The following TPPP variants were observed in gnomAD, a reference collection of about 807,000 sequenced individuals.
The protein encoded by TPPP is tubulin polymerization-promoting protein.
TPPP carries 6 observed loss-of-function variants against 15.5 expected under a neutral mutation model. The ratio of observed to expected loss-of-function variants is 0.39; its 90% CI spans 0.21 to 0.77. The LOEUF (loss-of-function observed/expected upper bound fraction) is 0.77. Among genes scored for constraint, TPPP ranks in the 30% least tolerant of loss-of-function variants. The pLI is 0.42. For synonymous variants in TPPP, 146 were observed against 133.9 expected (o/e 1.09, Z -0.63); for missense variants, 269 against 307.2 (o/e 0.88, Z 0.93).
At chr5:669,450 T>C (rs564192996) in intron 2 of TPPP, among the ~76,000 whole-genome samples, 5 of 152,088 alleles carry the variant, frequency 3.3e-5, no homozygotes, top group Non-Finnish European at 7.4e-5. Flanking sequence ...ACAGTGCCCA[T>C]TGGGCCCTGT....
chr5:668,505 C>G (rs1740045882), intron 2 of TPPP, among the ~76,000 whole-genome samples: 1 of 152,202 alleles, frequency 6.6e-6, no homozygotes, highest in Non-Finnish European at 1.5e-5. Flanking sequence ...CAGATGGAAA[C>G]CACAGCGAGG....
intron 2 of TPPP, among the ~76,000 whole-genome samples, chr5:671,803 A>G (rs1740232839): frequency 6.6e-6 from 1 of 152,184 alleles, no homozygotes; most frequent in Admixed American, 6.5e-5. Context: ...CCAGGGCTCC[A>G]GAGCCGCCGA....
chr5:674,336 G>A (rs974203016), intron 2 of TPPP, among the ~76,000 whole-genome samples: 1 of 148,456 alleles, frequency 6.7e-6, no homozygotes, highest in Non-Finnish European at 1.5e-5. Context: ...ACCTGAGGGG[G>A]AGGAGGAGCA....
At chr5:666,208 A>G (rs1697964) in intron 2 of TPPP, 85 bp from the exon 3 acceptor site, 893,342 of 1,468,740 alleles carry the variant, frequency 0.61, 275,750 homozygotes, top group African/African-American at 0.89. Flanking sequence ...AGAGCTGGAC[A>G]GCCATGGCCC....
intron 2 of TPPP, among the ~76,000 whole-genome samples, chr5:676,859 A>G (rs746603392): frequency 3.8e-4 from 54 of 141,342 alleles, no homozygotes; most frequent in Non-Finnish European, 6.7e-4. Flanking sequence ...AGAAACGCGC[A>G]CACACGACGC....
chr5:696,259 C>T (rs1741008725), upstream of TPPP, among the ~76,000 whole-genome samples: 1 of 133,206 alleles, frequency 7.5e-6, no homozygotes, highest in African/African-American at 2.8e-5. Context: ...GAGCCCAGGT[C>T]CATTGGGAGG....
chr5:669,065 C>A (rs553204348), intron 2 of TPPP, among the ~76,000 whole-genome samples: 1 of 152,374 alleles, frequency 6.6e-6, no homozygotes. Context: ...CTGAGAAACA[C>A]ACCAAGTGCT....
intron 1 of TPPP, among the ~76,000 whole-genome samples, chr5:682,023 G>A (rs1485322623): frequency 2.6e-5 from 4 of 151,610 alleles, no homozygotes; most frequent in Admixed American, 6.6e-5. Flanking sequence ...GAGGCCCCAC[G>A]GAAAATCACC....
Position 677,900 on chromosome 5 carries a change from G to A in TPPP, c.161C>T (p.Ala54Val). 1 of 1,612,742 alleles carries A rather than the reference G, an allele frequency of 6.2e-7. No individual in the cohort carries two copies. Among genetic ancestry groups the A allele is most frequent in the Non-Finnish European group, 8.5e-7 (1 of 1,179,864 alleles). ...ASPELSALEEAFRRFAVHGDA... is the reference protein window; with the variant it reads ...ASPELSALEEVFRRFAVHGDA... ...CCCGTGCACGGCAAAGCGCCGGAAG[G>A]CCTCCTCCAGGGCACTGAGCTCAGG... Residue 54 changes from alanine (A) to valine (V), a missense_variant, in exon 2 of 4, where the codon GCC becomes GTC. Transcript: ENST00000360578.
chr5:666,548 A>C (rs985086927), intron 2 of TPPP, among the ~76,000 whole-genome samples: 1 of 152,142 alleles, frequency 6.6e-6, no homozygotes, highest in African/African-American at 2.4e-5. Context: ...ACACAGGAAC[A>C]TGGTTAGGAG....
chr5:693,560 C>G (rs1251517114), upstream of TPPP, among the ~76,000 whole-genome samples: 1 of 151,600 alleles, frequency 6.6e-6, no homozygotes, highest in African/African-American at 2.4e-5. Context: ...CGACTCTGCT[C>G]AGGCCCCGCG....
rs977356573 is a variant in TPPP at position 685,496 on chromosome 5, C to T, written c.-4-7432G>A. ...TGGGCAGGACAGGGCAGGCTTTGCA[C>T]ACTCCTAAGGCTCATGGGGTGGGAG... On this transcript the variant is annotated intron_variant, in intron 1 of 3. Coordinates refer to ENST00000360578, the MANE Select transcript of TPPP (RefSeq NM_007030.3). 2.0e-5 allele frequency among the ~76,000 whole-genome samples: 3 copies of T among 152,238 alleles called. No homozygotes were observed. The East Asian group carries it at 5.8e-4, about 29-fold the overall frequency.
chr5:669,804 G>C (rs971176071), intron 2 of TPPP, among the ~76,000 whole-genome samples: 1 of 151,986 alleles, frequency 6.6e-6, no homozygotes, highest in East Asian at 1.9e-4. Flanking sequence ...AGACCCGGGT[G>C]CCCCCCGCCT....
chr5:680,147 GGCCCCTGC>G (rs1740582964), intron 1 of TPPP, among the ~76,000 whole-genome samples: 1 of 105,506 alleles, frequency 9.5e-6, no homozygotes, highest in Non-Finnish European at 1.9e-5. Flanking sequence ...TCCGGCCCGC[GGCCCCTGC>G]GCCCCTGCTG....
At position 666,156 on chromosome 5, in the gene TPPP, C is replaced by T. The variant is rs750249142; in HGVS notation, c.312-33G>A. The T allele has an allele frequency of 3.1e-5, 47 of 1,538,308 alleles. 1 individual carries two copies. In the Middle Eastern group the frequency reaches 5.1e-4, roughly 17 times the overall value. On this transcript the variant is annotated intron_variant, in intron 2 of 3. Transcript: ENST00000360578. ...GGCACAGGCGACTTAGGGCTGGGCG[C>T]GGGCCGGCCCAGGGCTGCCCTCCCC...
chr5:668,709 C>T (rs1235565981), intron 2 of TPPP, among the ~76,000 whole-genome samples: 1 of 152,268 alleles, frequency 6.6e-6, no homozygotes, highest in African/African-American at 2.4e-5. Context: ...GAAATGAAAA[C>T]AGAGGCTCAC....
In TPPP at chr5:686,445, C is replaced by T. The variant is rs542675454; in HGVS notation, c.-5+6833G>A. ...AACCAGGGGCTGGTCCCTCATCCAGCGCAGCTTCACTGAGTGCCAGACTCA... is the reference window on the plus strand; with the variant it reads ...AACCAGGGGCTGGTCCCTCATCCAGTGCAGCTTCACTGAGTGCCAGACTCA... On this transcript the variant is annotated intron_variant, in intron 1 of 3. Coordinates refer to ENST00000360578, the MANE Select transcript of TPPP (RefSeq NM_007030.3). Among the ~76,000 whole-genome samples, 114 of 151,954 alleles carry T rather than the reference C, an allele frequency of 7.5e-4. 1 individual carries two copies. In the Middle Eastern group the frequency reaches 0.017, roughly 23 times the overall value.
intron 2 of TPPP, among the ~76,000 whole-genome samples, chr5:667,495 G>A (rs1739969241): frequency 6.6e-6 from 1 of 152,168 alleles, no homozygotes; most frequent in Admixed American, 6.5e-5. Context: ...TCTGTGACCT[G>A]GGGTTAGGCG....
intron 2 of TPPP, among the ~76,000 whole-genome samples, chr5:675,465 G>GGGGGTGCAGGGTGGCCA: frequency 2.2e-5 from 1 of 45,468 alleles, no homozygotes; most frequent in East Asian, 8.0e-4. Flanking sequence ...GTGCAGCACA[G>GGGGGTGCAGGGTGGCCA]GGGGTGCAGT....
Sources: gnomAD v4.1 joint callset for allele counts (sites outside exome capture counted in the v4.1 genomes callset) on GRCh38, gnomAD v4.1.1 for gene constraint, MANE v1.5 for transcripts, NCBI Gene and HGNC (gene_info 2026-07-23, HGNC 2026-07-21) for gene names.